TARBP1: variants seen among roughly 807,000 people sequenced by gnomAD.
TARBP1 encodes tRNA (guanosine(18)-2'-O)-methyltransferase TARBP1.
Under a neutral mutation model 178.6 loss-of-function variants are expected in TARBP1, and 144 were observed. The ratio of observed to expected loss-of-function variants is 0.81; its 90% CI spans 0.70 to 0.93. TARBP1 has a LOEUF of 0.93. Ranked by LOEUF, TARBP1 falls within the 40% of genes least tolerant of loss-of-function variation. TARBP1 has a pLI of 0.00. For missense variants in TARBP1, 2,067 were observed against 2,011.7 expected (o/e 1.03, Z -0.53); for synonymous variants, 787 against 781.0 (o/e 1.01, Z -0.13).
intron 1 of TARBP1, among the ~76,000 whole-genome samples, chr1:234,477,216 TAAC>T (rs1669646354): frequency 1.3e-5 from 2 of 151,958 alleles, no homozygotes; most frequent in South Asian, 2.1e-4. Flanking sequence ...AACTGCAAAA[TAAC>T]AGACTCATGT....
chr1:234,399,496 G>C (rs1660459570), intron 25 of TARBP1, among the ~76,000 whole-genome samples: 1 of 152,130 alleles, frequency 6.6e-6, no homozygotes, highest in South Asian at 2.1e-4. Context: ...CAGGGATCTA[G>C]AACTAGAAAT....
chr1:234,439,920 T>C (rs982023735), intron 12 of TARBP1, among the ~76,000 whole-genome samples: 4 of 152,200 alleles, frequency 2.6e-5, no homozygotes, highest in African/African-American at 7.2e-5. Flanking sequence ...TGACATTTAT[T>C]GAACACGTCA....
chr1:234,410,076 G>A (rs983278933), intron 23 of TARBP1, among the ~76,000 whole-genome samples: 5 of 152,160 alleles, frequency 3.3e-5, no homozygotes, highest in African/African-American at 4.8e-5. Context: ...CTTTGCACGA[G>A]CATTTGTTAA....
chr1:234,410,500 G>A lies in TARBP1; in HGVS notation c.3737C>T (p.Thr1246Met), dbSNP rs188908188. The A allele has an allele frequency of 8.9e-5, 134 of 1,512,064 alleles. No individual in the cohort carries two copies. The East Asian group carries it at 1.7e-3, about 19-fold the overall frequency. 93.7% of individuals were successfully genotyped at this position (1,512,064 alleles called of 1,614,324 possible). The change falls in exon 23 of 30, where the codon ACG (threonine) becomes ATG (methionine). Residue 1246 changes from threonine to methionine, a missense_variant. By Grantham distance (81) the Thr-to-Met change is moderately conservative (BLOSUM62 -1). Coordinates refer to ENST00000040877, the MANE Select transcript of TARBP1 (RefSeq NM_005646.4). Reference protein sequence around the residue: ...GEENLKTSICTFLAVLSHLDI... With the variant: ...GEENLKTSICMFLAVLSHLDI... ...TAAATGTGATAAAACTGCTAAAAAC[G>A]TACAAATGCTTGTTTTAAGATTTTC...
At position 234,479,039 on chromosome 1, in the gene TARBP1, GCCC is replaced by G; in HGVS notation, c.62_64del (p.Gly21del). ...CGCGGATGCCTCCCCTTGGCACAGC[GCCC>G]CAAGCAGGGCCCGGGGGTCCCGGCT... On this transcript the variant is annotated inframe_deletion, in exon 1 of 30. Transcript: ENST00000040877. The G allele has an allele frequency of 6.5e-7, 1 of 1,537,722 alleles. No homozygotes were observed. Among genetic ancestry groups the G allele is most frequent in the Non-Finnish European group, 8.7e-7 (1 of 1,155,060 alleles).
At chr1:234,393,912 G>T in intron 26 of TARBP1, 75 bp from the exon 27 acceptor site, 1 of 1,042,730 alleles carries the variant, frequency 9.6e-7, no homozygotes, top group Non-Finnish European at 1.3e-6. Flanking sequence ...ACATGTATAT[G>T]TATTTTTAAG....
At chr1:234,433,816 T>C (rs1296250904) in intron 13 of TARBP1, among the ~76,000 whole-genome samples, 1 of 152,174 alleles carries the variant, frequency 6.6e-6, no homozygotes, top group African/African-American at 2.4e-5. Flanking sequence ...GAGTCATCTG[T>C]CTCCCTACCT....
chr1:234,456,549 T>A (rs1195728967), intron 9 of TARBP1, among the ~76,000 whole-genome samples: 1 of 152,236 alleles, frequency 6.6e-6, no homozygotes, highest in African/African-American at 2.4e-5. Flanking sequence ...CAATAAATTT[T>A]AAATGATACA....
Position 234,478,218 on chromosome 1 carries a change from C to G in TARBP1, c.886G>C (p.Ala296Pro). 6.2e-7 allele frequency: 1 copy of G among 1,612,008 alleles called. No homozygotes were observed. The highest frequency in any genetic ancestry group is 8.5e-7 in the Non-Finnish European group (1 of 1,179,616). Residue 296 changes from alanine to proline, a missense_variant, in exon 1 of 30, where the codon GCG becomes CCG. Coordinates refer to ENST00000040877, the MANE Select transcript of TARBP1 (RefSeq NM_005646.4). Reference protein sequence around the residue: ...YLLQRAVEVSAELGADCTCGP... With the variant: ...YLLQRAVEVSPELGADCTCGP... ...CAGGTGCAGTCGGCCCCCAGCTCCG[C>G]CGACACCTCCACCGCCCTCTGCAGC...
At chr1:234,472,865 T>A (rs1010159350) in intron 1 of TARBP1, 54 bp from the exon 2 acceptor site, 14 of 1,336,918 alleles carry the variant, frequency 1.0e-5, no homozygotes, top group African/African-American at 1.5e-5. Flanking sequence ...TTTCATAAGT[T>A]TCTCAATGAC....
chr1:234,433,275 C>T, intron 14 of TARBP1, 135 bp downstream of exon 14: 1 of 916,154 alleles, frequency 1.1e-6, no homozygotes, highest in Non-Finnish European at 1.6e-6. Flanking sequence ...TACATCTTAT[C>T]ACTAGAGGGT....
chr1:234,474,928 C>A (rs1669442645), intron 1 of TARBP1, among the ~76,000 whole-genome samples: 1 of 152,162 alleles, frequency 6.6e-6, no homozygotes, highest in African/African-American at 2.4e-5. Flanking sequence ...AACCTGAATT[C>A]TAAAAGGAAG....
chr1:234,411,848 C>T (rs373820496), intron 22 of TARBP1, among the ~76,000 whole-genome samples: 3 of 152,010 alleles, frequency 2.0e-5, no homozygotes, highest in East Asian at 1.9e-4. Flanking sequence ...AAATGCCAGA[C>T]AGATTGGAAA....
At chr1:234,427,500 A>G in intron 18 of TARBP1, 76 bp downstream of exon 18, 7 of 1,471,294 alleles carry the variant, frequency 4.8e-6, no homozygotes, top group Non-Finnish European at 6.4e-6. Flanking sequence ...GAAAGCCTCA[A>G]AACAAAGACA....
In TARBP1 at chr1:234,427,354, G is replaced by T; in HGVS notation, c.3286C>A (p.Leu1096Ile). 6.2e-7 allele frequency: 1 copy of T among 1,611,824 alleles called. No homozygotes were observed. Among genetic ancestry groups the T allele is most frequent in the Non-Finnish European group, 8.5e-7 (1 of 1,179,050 alleles). ...VQDVQTFIEN[L>I]GHDCAANIVM... ...ATATTTGCCGCACAGTCATGTCCAA[G>T]GTTTTCTATGAAGGTCTGTACATCC... Residue 1096 changes from leucine (L) to isoleucine (I), a missense_variant, in exon 19 of 30, where the codon CTT becomes ATT. Transcript: ENST00000040877.
intron 23 of TARBP1, among the ~76,000 whole-genome samples, chr1:234,409,522 T>C (rs1335467102): frequency 6.6e-6 from 1 of 152,232 alleles, no homozygotes; most frequent in Non-Finnish European, 1.5e-5. Context: ...TTACGGAAGA[T>C]GTGAACGAGT....
intron 12 of TARBP1, 36 bp downstream of exon 12, chr1:234,446,767 T>C: frequency 3.7e-6 from 6 of 1,602,754 alleles, no homozygotes; most frequent in Non-Finnish European, 5.1e-6. Flanking sequence ...CAATGCTATA[T>C]CAAGCAAGAT....
At chr1:234,466,733 C>G (rs1668477566) in intron 4 of TARBP1, among the ~76,000 whole-genome samples, 1 of 151,358 alleles carries the variant, frequency 6.6e-6, no homozygotes, top group African/African-American at 2.4e-5. Context: ...TGTGGTGGCA[C>G]CCACCTGTAA....
chr1:234,474,311 A>T (rs964365692), intron 1 of TARBP1, among the ~76,000 whole-genome samples: 1 of 151,770 alleles, frequency 6.6e-6, no homozygotes, highest in African/African-American at 2.4e-5. Flanking sequence ...AAAAAAAAAA[A>T]CTCAATCCAA....
Sources: allele counts gnomAD v4.1 joint callset (sites outside exome capture counted in the v4.1 genomes callset), GRCh38; gene constraint gnomAD v4.1.1; transcripts MANE v1.5; gene names NCBI Gene and HGNC (gene_info 2026-07-23, HGNC 2026-07-21).